The following RABGAP1L variants were observed in gnomAD, a reference collection of about 807,000 sequenced individuals.
The protein encoded by RABGAP1L is RAB GTPase activating protein 1 like.
Under a neutral mutation model 137.7 loss-of-function variants are expected in RABGAP1L, and 63 were observed. That is an observed-to-expected ratio of 0.46 (90% CI 0.37 to 0.56). RABGAP1L has a LOEUF of 0.56. RABGAP1L is among the 20% of genes least tolerant of loss of function. The probability of loss-of-function intolerance (pLI) is 0.00; values close to 1 mark genes in which losing one functional copy is unlikely to be tolerated. For synonymous variants in RABGAP1L, 431 were observed against 433.7 expected (o/e 0.99, Z 0.08); for missense variants, 1,095 against 1,244.0 (o/e 0.88, Z 1.80).
intron 1 of RABGAP1L, among the ~76,000 whole-genome samples, chr1:174,177,060 A>C (rs569944984): frequency 1.3e-5 from 2 of 152,334 alleles, no homozygotes; most frequent in South Asian, 4.1e-4. Flanking sequence ...TGGGCGACAG[A>C]GTGAGACCCT....
At chr1:174,639,185 T>C (rs1158201269) in intron 14 of RABGAP1L, among the ~76,000 whole-genome samples, 1 of 152,162 alleles carries the variant, frequency 6.6e-6, no homozygotes, top group African/African-American at 2.4e-5. Context: ...ACTTTTTCTC[T>C]CTCTCATATT....
At position 174,448,181 on chromosome 1, in the gene RABGAP1L, C is replaced by T. The variant is rs1184913364; in HGVS notation, c.1710+54036C>T. 2.5e-6 allele frequency: 4 copies of T among 1,613,250 alleles called. No homozygotes were observed. The highest frequency in any genetic ancestry group is 3.4e-6 in the Non-Finnish European group (4 of 1,179,302). ...CAGTGGCATTGTGAATGTGTCCGAG[C>T]GTCACTCCTGCCCACTTGGATTTGG... On this transcript the variant is annotated intron_variant, in intron 13 of 25. Transcript: ENST00000681986. This position sits in a 1 kb window ranked among gnomAD's most constrained non-coding sequence, Gnocchi z 4.2.
chr1:174,699,536 A>G lies in RABGAP1L; in HGVS notation c.1911A>G (p.Glu637=). 1 of 1,612,588 alleles carries G rather than the reference A, an allele frequency of 6.2e-7. No individual in the cohort carries two copies. Among genetic ancestry groups the G allele is most frequent in the Non-Finnish European group, 8.5e-7 (1 of 1,179,010 alleles). Residue 637 remains glutamate (E), a synonymous_variant, in exon 16 of 26, where the codon GAA becomes GAG. Transcript: ENST00000681986. ...AAVLLLHMPE[E]QAFCVLVKIM... ...ATATTTTTCTGTAGATGCCAGAGGAACAAGCATTCTGTGTTTTGGTGAAAA... is the reference window on the plus strand; with the variant it reads ...ATATTTTTCTGTAGATGCCAGAGGAGCAAGCATTCTGTGTTTTGGTGAAAA...
At chr1:174,881,492 CTTTTTTTTTTT>C (rs751296977) in intron 19 of RABGAP1L, among the ~76,000 whole-genome samples, 3 of 85,864 alleles carry the variant, frequency 3.5e-5, no homozygotes, top group African/African-American at 4.8e-5. Flanking sequence ...ATATCATTTG[CTTTTTTTTTTT>C]TTTTTTTTTT....
At chr1:174,480,141 T>C (rs1474032840) in intron 13 of RABGAP1L, among the ~76,000 whole-genome samples, 1 of 152,196 alleles carries the variant, frequency 6.6e-6, no homozygotes, top group Non-Finnish European at 1.5e-5. Context: ...CTTCATCTAT[T>C]CATGTCTCTG....
At chr1:174,548,636 T>A (rs1233904545) in intron 13 of RABGAP1L, 16 of 863,072 alleles carry the variant, frequency 1.9e-5, no homozygotes, top group Non-Finnish European at 2.1e-5. Context: ...CATCTTCCAA[T>A]ATTTCAGTAT....
At chr1:174,384,968 A>G (rs1167981336) in intron 12 of RABGAP1L, among the ~76,000 whole-genome samples, 1 of 152,184 alleles carries the variant, frequency 6.6e-6, no homozygotes, top group Non-Finnish European at 1.5e-5. Context: ...TATTTATCTT[A>G]TATCTGGCTT....
chr1:174,834,339 T>G (rs1434766481), intron 19 of RABGAP1L, among the ~76,000 whole-genome samples: 1 of 150,648 alleles, frequency 6.6e-6, no homozygotes, highest in Non-Finnish European at 1.5e-5. Context: ...GGCAGGAGAA[T>G]CGCTTGAACC....
At chr1:174,917,329 G>C (rs1227767015) in intron 19 of RABGAP1L, among the ~76,000 whole-genome samples, 1 of 152,268 alleles carries the variant, frequency 6.6e-6, no homozygotes, top group Non-Finnish European at 1.5e-5. Flanking sequence ...TTATAAATAT[G>C]TGTTGATATT....
At chr1:174,488,372 T>C (rs1659878624) in intron 13 of RABGAP1L, among the ~76,000 whole-genome samples, 1 of 152,088 alleles carries the variant, frequency 6.6e-6, no homozygotes, top group Non-Finnish European at 1.5e-5. Flanking sequence ...TCCTGGCCCA[T>C]AAGGTTTCCA....
intron 22 of RABGAP1L, among the ~76,000 whole-genome samples, chr1:174,976,927 C>G (rs1218823028): frequency 6.6e-6 from 1 of 152,238 alleles, no homozygotes; most frequent in Non-Finnish European, 1.5e-5. Context: ...AGGGGCCTGA[C>G]ACAGATTAGA....
At chr1:174,214,210 A>C (rs1043557847) in intron 1 of RABGAP1L, among the ~76,000 whole-genome samples, 4 of 152,234 alleles carry the variant, frequency 2.6e-5, no homozygotes, top group Admixed American at 2.6e-4. Flanking sequence ...GAAAAATATG[A>C]AATTGAAACC....
rs1192565278 is a variant in RABGAP1L, at chr1:174,580,077, A to G, written c.1711-57298A>G. On this transcript the variant is annotated intron_variant, in intron 13 of 25. Coordinates refer to ENST00000681986, the MANE Select transcript of RABGAP1L (RefSeq NM_001366446.1). ...GTGGCCAGCCATGACTTTGTATTTA[A>G]TAGTGGTTTATTATATATGAAACCA... is the stretch of plus-strand genomic sequence containing the variant. 2.2e-5 allele frequency among the ~76,000 whole-genome samples: 3 copies of G among 136,478 alleles called. No homozygotes were observed. The Admixed American group carries it at 2.2e-4, about 10-fold the overall frequency. 89.5% of individuals were successfully genotyped at this position (136,478 alleles called of 152,430 possible). A position where few individuals can be genotyped will look rare whatever the true frequency, so the allele number is the denominator to read the frequency against.
At chr1:174,612,523 T>C (rs1329707453) in intron 13 of RABGAP1L, among the ~76,000 whole-genome samples, 1 of 152,198 alleles carries the variant, frequency 6.6e-6, no homozygotes, top group African/African-American at 2.4e-5. Context: ...TTCTCTTTTT[T>C]GGTTGTGTCT....
At chr1:174,604,242 C>T (rs1670617683) in intron 13 of RABGAP1L, among the ~76,000 whole-genome samples, 1 of 152,170 alleles carries the variant, frequency 6.6e-6, no homozygotes, top group Admixed American at 6.5e-5. Flanking sequence ...GGATGATTCC[C>T]CTCTGGCTGT....
chr1:174,338,248 A>G (rs1209116759), intron 11 of RABGAP1L, among the ~76,000 whole-genome samples: 1 of 152,212 alleles, frequency 6.6e-6, no homozygotes, highest in Non-Finnish European at 1.5e-5. Flanking sequence ...TTATGATTAT[A>G]GTCTGTTAAG....
At chr1:174,976,025 C>A in intron 21 of RABGAP1L, 53 bp from the exon 22 acceptor site, 1 of 1,453,150 alleles carries the variant, frequency 6.9e-7, no homozygotes, top group Non-Finnish European at 9.4e-7. Flanking sequence ...CACACACTTT[C>A]TTTACCCTCT....
chr1:174,845,046 G>T (rs1053031973), intron 19 of RABGAP1L, among the ~76,000 whole-genome samples: 2 of 148,566 alleles, frequency 1.3e-5, no homozygotes, highest in Non-Finnish European at 3.0e-5. Flanking sequence ...TGGTGTATAA[G>T]AATGCTTGTG....
At chr1:174,813,136 AT>A (rs2148862092) in intron 19 of RABGAP1L, among the ~76,000 whole-genome samples, 1 of 152,334 alleles carries the variant, frequency 6.6e-6, no homozygotes, top group Non-Finnish European at 1.5e-5. Flanking sequence ...CACAATGGCT[AT>A]TTTGTTAAAA....
Sources: gnomAD v4.1 joint callset for allele counts (sites outside exome capture counted in the v4.1 genomes callset) on GRCh38, gnomAD v4.1.1 for gene constraint, Gnocchi (gnomAD v3.1) non-coding constraint, MANE v1.5 for transcripts, NCBI Gene and HGNC (gene_info 2026-07-23, HGNC 2026-07-21) for gene names.